RBM20: variants seen among roughly 807,000 people sequenced by gnomAD.
The protein encoded by RBM20 is RNA-binding protein 20.
In RBM20, 51 loss-of-function variants were observed where a neutral mutation model predicts 110.1. The observed-to-expected ratio is 0.46, with a 90% CI of 0.37 to 0.59. The LOEUF is 0.59. RBM20 is among the 20% of genes least tolerant of loss of function. The pLI, the probability that RBM20 is intolerant of heterozygous loss-of-function variation, is 0.00. For synonymous variants in RBM20, 589 were observed against 618.2 expected, an observed-to-expected ratio of 0.95 and a Z score of 0.70; for missense variants, 1,512 against 1,574.9, an observed-to-expected ratio of 0.96 and a Z score of 0.68.
chr10:110,763,998 G>C (rs1440779575), intron 1 of RBM20, among the ~76,000 whole-genome samples: 1 of 152,038 alleles, frequency 6.6e-6, no homozygotes, highest in African/African-American at 2.4e-5. Flanking sequence ...CATTACCCTG[G>C]GGGCCAAAAT....
rs2134793859 is a variant in RBM20, at chr10:110,644,962, T to C, written c.191+317T>C. ...AATGGCCCAGCGACTGTATTTCATC[T>C]TTCTGGTCCCAAGAGGACGCTGGAA... On this transcript the variant is annotated intron_variant, in intron 1 of 13. Coordinates refer to ENST00000369519, the MANE Select transcript of RBM20 (RefSeq NM_001134363.3). The surrounding 1 kb of genome is among the most constrained non-coding windows in gnomAD (Gnocchi z 4.3). Among the ~76,000 whole-genome samples, 1 of 152,304 alleles carries C rather than the reference T, an allele frequency of 6.6e-6. No homozygotes were observed. Among genetic ancestry groups the C allele is most frequent in the East Asian group, 1.9e-4 (1 of 5,188 alleles).
chr10:110,766,740 C>T (rs1450507237), intron 1 of RBM20, among the ~76,000 whole-genome samples: 1 of 151,302 alleles, frequency 6.6e-6, no homozygotes. Flanking sequence ...TACACAGACA[C>T]GGCAACCATC....
intron 1 of RBM20, among the ~76,000 whole-genome samples, chr10:110,708,577 A>G (rs1380614871): frequency 6.6e-6 from 1 of 152,212 alleles, no homozygotes; most frequent in Non-Finnish European, 1.5e-5. Context: ...AACAGGTGAA[A>G]TAAAACCTTA....
In RBM20 at chr10:110,781,289, G is replaced by T. The variant is rs202238753; in HGVS notation, c.680G>T (p.Gly227Val). 1,027 of 1,551,716 alleles carry T rather than the reference G, an allele frequency of 6.6e-4. 2 individuals are homozygous for T. Among genetic ancestry groups the T allele is most frequent in the Middle Eastern group, 5.5e-3 (33 of 5,992 alleles). The part of the protein sequence containing the change: ...GKTGPAPATA[G>V]FYEYGKASSG... Reference sequence around the variant, plus strand: ...ACTGGGCCTGCTCCAGCTACAGCAGGATTCTATGAGTATGGCAAAGCCAGC... The same window carrying T: ...ACTGGGCCTGCTCCAGCTACAGCAGTATTCTATGAGTATGGCAAAGCCAGC... Residue 227 changes from glycine (G) to valine (V), a missense_variant, in exon 2 of 14, where the codon GGA (glycine) becomes GTA (valine). Gly to Val is a moderately radical substitution (Grantham distance 109). Transcript: ENST00000369519.
intron 1 of RBM20, among the ~76,000 whole-genome samples, chr10:110,719,363 C>T (rs59132501): frequency 0.1 from 15,284 of 152,266 alleles, 871 homozygotes; most frequent in South Asian, 0.15. Flanking sequence ...TGCATTTCCC[C>T]TTCCATTAAT....
rs1844911947 is a variant in RBM20, at chr10:110,821,628, T to G, written c.3009T>G (p.Asn1003Lys). The change falls in exon 11 of 14, where the codon AAT becomes AAG. Residue 1003 changes from asparagine (N) to lysine (K), a missense_variant. Asn to Lys is a moderately conservative substitution (Grantham distance 94, BLOSUM62 0). Transcript: ENST00000369519. ...SDMDVEMPGL[N>K]LDAERKPAES... is the part of the protein sequence containing the mutation. ...TGGACGTGGAAATGCCTGGCCTAAATCTGGATGCTGAGCGGAAGCCAGCTG... is the reference window on the plus strand; with the variant it reads ...TGGACGTGGAAATGCCTGGCCTAAAGCTGGATGCTGAGCGGAAGCCAGCTG... 1 of 1,551,556 alleles carries G rather than the reference T, an allele frequency of 6.4e-7. No homozygotes were observed.
In RBM20 at chr10:110,799,928, T is replaced by C. The variant is rs1461734053; in HGVS notation, c.1800+10T>C. On this transcript the variant is annotated intron_variant, in intron 7 of 13. Transcript: ENST00000369519. ...GGAATTGCAGCTCAAGGTAAAGCAT[T>C]ATCTTGCTCATTCAGTCATTCAACA... is the stretch of plus-strand genomic sequence containing the variant. The C allele has an allele frequency of 6.4e-7, 1 of 1,551,706 alleles. No homozygotes were observed. The highest frequency in any genetic ancestry group is 8.7e-7 in the Non-Finnish European group (1 of 1,146,778).
intron 12 of RBM20, among the ~76,000 whole-genome samples, chr10:110,825,375 T>C (rs1844969937): frequency 1.3e-5 from 2 of 152,366 alleles, no homozygotes; most frequent in African/African-American, 4.8e-5. Context: ...TTGTAATTTG[T>C]GTTTTACTAC....
chr10:110,738,519 G>T (rs543609723), intron 1 of RBM20, among the ~76,000 whole-genome samples: 1 of 152,124 alleles, frequency 6.6e-6, no homozygotes, highest in Non-Finnish European at 1.5e-5. Flanking sequence ...CGAACCCCCC[G>T]TGGAATGTTT....
chr10:110,823,925 A>G (rs1445708090), intron 12 of RBM20, among the ~76,000 whole-genome samples: 1 of 148,970 alleles, frequency 6.7e-6, no homozygotes, highest in Non-Finnish European at 1.5e-5. Context: ...TGGGGTCTCC[A>G]TATGTGGCCC....
At chr10:110,788,391 C>G (rs1844446242) in intron 5 of RBM20, among the ~76,000 whole-genome samples, 1 of 152,202 alleles carries the variant, frequency 6.6e-6, no homozygotes, top group African/African-American at 2.4e-5. Context: ...TGTTTGGAGG[C>G]CTTTTCTACA....
chr10:110,692,497 A>G (rs1022566707), intron 1 of RBM20, among the ~76,000 whole-genome samples: 4 of 151,936 alleles, frequency 2.6e-5, no homozygotes, highest in African/African-American at 9.7e-5. Flanking sequence ...ATTCTTTTTG[A>G]TGCTATTATA....
At chr10:110,704,735 C>T (rs143081913) in intron 1 of RBM20, among the ~76,000 whole-genome samples, 600 of 152,274 alleles carry the variant, frequency 3.9e-3, no homozygotes, top group Middle Eastern at 0.017. Flanking sequence ...AGCCATTAGA[C>T]TGTGTGCAGG....
rs1844905035 is a variant in RBM20, at chr10:110,821,271, A to G, written c.2656-4A>G. On this transcript the variant is annotated splice_polypyrimidine_tract_variant and splice_region_variant and intron_variant, in intron 10 of 13. Coordinates refer to ENST00000369519, the MANE Select transcript of RBM20 (RefSeq NM_001134363.3). ...TCTGACCTCCATTCTGCATTTTTGT[A>G]CAGGAACAAGATTGGGAGAGTGAAA... The G allele has an allele frequency of 6.5e-7, 1 of 1,548,868 alleles. No individual in the cohort carries two copies. The highest frequency in any genetic ancestry group is 1.4e-5 in the African/African-American group (1 of 73,074).
intron 1 of RBM20, among the ~76,000 whole-genome samples, chr10:110,683,151 T>G (rs1862446745): frequency 1.3e-5 from 2 of 152,228 alleles, no homozygotes; most frequent in Admixed American, 1.3e-4. Flanking sequence ...GTTGGGCTTT[T>G]TTTGTTCTCA....
chr10:110,784,897 C>T lies in RBM20; in HGVS notation c.1527+8C>T, dbSNP rs7077757. The T allele has an allele frequency of 0.21, 302,081 of 1,444,144 alleles. 32,985 individuals are homozygous for T. Among genetic ancestry groups the T allele is most frequent in the Non-Finnish European group, 0.22 (237,557 of 1,058,536 alleles). The allele number at this position is 1,444,144 out of a possible 1,614,324, so 89.5% of individuals were successfully genotyped here. A position where few individuals can be genotyped will look rare whatever the true frequency, so the allele number is the denominator to read the frequency against. On this transcript the variant is annotated splice_region_variant and intron_variant, in intron 5 of 13. Coordinates refer to ENST00000369519, the MANE Select transcript of RBM20 (RefSeq NM_001134363.3). ...GCTTCTGTGGGGACAACTGTGAGTA[C>T]GGAAACATTTTCTCTAGAAATTAAT...
At chr10:110,772,018 C>T (rs965363359) in intron 1 of RBM20, among the ~76,000 whole-genome samples, 4 of 152,192 alleles carry the variant, frequency 2.6e-5, no homozygotes, top group African/African-American at 9.6e-5. Context: ...GTCACCAGAT[C>T]TTATGTTACC....
chr10:110,801,853 A>G (rs1184547614), intron 7 of RBM20, among the ~76,000 whole-genome samples: 2 of 151,902 alleles, frequency 1.3e-5, no homozygotes, highest in East Asian at 1.9e-4. Flanking sequence ...CCAGTTTATC[A>G]CAGTTTTATA....
At chr10:110,647,075 CACTT>C (rs1356859384) in intron 1 of RBM20, among the ~76,000 whole-genome samples, 1 of 152,154 alleles carries the variant, frequency 6.6e-6, no homozygotes, top group East Asian at 1.9e-4. Flanking sequence ...AACATTTTTC[CACTT>C]ACTGTCTATG....
Sources: gnomAD v4.1 joint callset for allele counts (sites outside exome capture counted in the v4.1 genomes callset) on GRCh38, gnomAD v4.1.1 for gene constraint, Gnocchi (gnomAD v3.1) non-coding constraint, MANE v1.5 for transcripts, NCBI Gene and HGNC (gene_info 2026-07-23, HGNC 2026-07-21) for gene names.